The following FMN1 variants were observed in gnomAD, a reference collection of about 807,000 sequenced individuals.
The protein encoded by FMN1 is formin 1.
FMN1 carries 110 observed loss-of-function variants against 132.4 expected under a neutral mutation model. That is an observed-to-expected ratio of 0.83 (90% CI 0.71 to 0.97). The LOEUF (loss-of-function observed/expected upper bound fraction) is 0.97, where lower values mean the gene tolerates loss of function less well. Among genes scored for constraint, FMN1 ranks in the 50% least tolerant of loss-of-function variants. The pLI is 0.00. For missense variants in FMN1, 1,792 were observed against 1,705.3 expected, an observed-to-expected ratio of 1.05 and a Z score of -0.90; for synonymous variants, 722 against 651.7, an observed-to-expected ratio of 1.11 and a Z score of -1.64.
chr15:32,980,894 A>T (rs1298927297), intron 7 of FMN1, among the ~76,000 whole-genome samples: 1 of 152,050 alleles, frequency 6.6e-6, no homozygotes, highest in African/African-American at 2.4e-5. Context: ...CGTGCTTGTA[A>T]CCCCAGCTAC....
chr15:32,983,546 T>C (rs369708987), intron 7 of FMN1, among the ~76,000 whole-genome samples: 1 of 152,226 alleles, frequency 6.6e-6, no homozygotes, highest in Non-Finnish European at 1.5e-5. Flanking sequence ...TAAAGATTGA[T>C]ATTATAAGTG....
At position 32,908,473 on chromosome 15, in the gene FMN1, A is replaced by C. The variant is rs769545198; in HGVS notation, c.3377+17T>G. On this transcript the variant is annotated intron_variant, in intron 12 of 20. Coordinates refer to ENST00000616417, the MANE Select transcript of FMN1 (RefSeq NM_001277313.2). ...GTTCTCCTTTTGGCCTAACAGAAAA[A>C]TGTTAAGTATCCTTACTGCTCAGGT... The C allele has an allele frequency of 5.1e-6, 8 of 1,562,478 alleles. No homozygotes were observed. In the East Asian group the frequency reaches 1.8e-4, roughly 35 times the overall value.
At chr15:32,986,074 G>A (rs945295699) in intron 7 of FMN1, among the ~76,000 whole-genome samples, 1 of 152,014 alleles carries the variant, frequency 6.6e-6, no homozygotes, top group Non-Finnish European at 1.5e-5. Flanking sequence ...CAGCACCCAC[G>A]ATAATAGGGG....
intron 9 of FMN1, among the ~76,000 whole-genome samples, chr15:32,959,529 G>A (rs988075816): frequency 6.6e-6 from 1 of 152,160 alleles, no homozygotes; most frequent in Non-Finnish European, 1.5e-5. Flanking sequence ...ACAAAGCTCA[G>A]TAGACCCAAT....
chr15:32,980,473 T>C (rs953388659), intron 7 of FMN1, among the ~76,000 whole-genome samples: 3 of 152,190 alleles, frequency 2.0e-5, no homozygotes, highest in African/African-American at 7.2e-5. Flanking sequence ...GTAAACTCAG[T>C]TTTCACACTA....
chr15:33,157,479 T>G (rs1964719605), intron 3 of FMN1, among the ~76,000 whole-genome samples: 1 of 152,192 alleles, frequency 6.6e-6, no homozygotes, highest in South Asian at 2.1e-4. Context: ...GGAATTTGTC[T>G]AAGGGAATAT....
intron 3 of FMN1, among the ~76,000 whole-genome samples, chr15:33,160,680 G>A (rs1467643412): frequency 1.3e-5 from 2 of 152,190 alleles, no homozygotes; most frequent in African/African-American, 4.8e-5. Flanking sequence ...GGACTCAAAT[G>A]CAGCGGCTCT....
intron 5 of FMN1, chr15:33,067,573 T>A: frequency 1.9e-6 from 3 of 1,614,000 alleles, no homozygotes; most frequent in South Asian, 1.1e-5. Flanking sequence ...GACTTCCCTC[T>A]GATTCTGTCT....
chr15:32,892,846 C>T (rs1417050487), intron 15 of FMN1, among the ~76,000 whole-genome samples: 1 of 152,064 alleles, frequency 6.6e-6, no homozygotes, highest in Non-Finnish European at 1.5e-5. Context: ...GTTTATGTAT[C>T]ACCATTAATT....
At chr15:32,904,414 G>T (rs1353604016) in intron 12 of FMN1, among the ~76,000 whole-genome samples, 1 of 152,190 alleles carries the variant, frequency 6.6e-6, no homozygotes, top group Non-Finnish European at 1.5e-5. Context: ...TAAACAGGAA[G>T]GTGACAGTTT....
intron 4 of FMN1, among the ~76,000 whole-genome samples, chr15:33,101,876 T>C (rs1051082249): frequency 2.0e-5 from 3 of 152,108 alleles, no homozygotes; most frequent in South Asian, 2.1e-4. Context: ...TAACCCCACA[T>C]AGGTATCCCG....
At position 32,794,792 on chromosome 15, in the gene FMN1, G is replaced by A. The variant is rs1250398665; in HGVS notation, c.4130+4012C>T. On this transcript the variant is annotated intron_variant, in intron 19 of 20. Transcript: ENST00000616417. ...AAAAGTGAGGCAAAGTTGCTTCTGA[G>A]GATAAAATAAACCTTGGATTATGAT... Among the ~76,000 whole-genome samples the A allele has an allele frequency of 3.9e-5, 6 of 152,268 alleles. No individual in the cohort carries two copies. In the East Asian group the frequency reaches 9.7e-4, roughly 25 times the overall value.
intron 6 of FMN1, among the ~76,000 whole-genome samples, chr15:33,052,023 T>G (rs1183482266): frequency 1.3e-5 from 2 of 152,228 alleles, no homozygotes; most frequent in Non-Finnish European, 2.9e-5. Flanking sequence ...CTTATGTCCC[T>G]TGGTCAAATT....
intron 16 of FMN1, among the ~76,000 whole-genome samples, chr15:32,867,666 T>C (rs1344924101): frequency 6.6e-6 from 1 of 152,190 alleles, no homozygotes; most frequent in Admixed American, 6.5e-5. Context: ...TAATTTTTTG[T>C]ATTTTTAGTA....
At chr15:32,946,742 G>C (rs1417056848) in intron 9 of FMN1, among the ~76,000 whole-genome samples, 1 of 152,164 alleles carries the variant, frequency 6.6e-6, no homozygotes, top group Admixed American at 6.5e-5. Context: ...ATAGCTGTGG[G>C]AGGTAGAATG....
chr15:33,184,233 T>C (rs569251946), intron 2 of FMN1, among the ~76,000 whole-genome samples: 1 of 152,332 alleles, frequency 6.6e-6, no homozygotes, highest in Non-Finnish European at 1.5e-5. Context: ...ACAATTGGAA[T>C]GATAGTATTT....
intron 4 of FMN1, among the ~76,000 whole-genome samples, chr15:33,140,029 A>G: frequency 6.6e-6 from 1 of 152,186 alleles, no homozygotes; most frequent in African/African-American, 2.4e-5. Context: ...AAATATATTA[A>G]CATATTTTCT....
At chr15:32,789,055 G>A (rs536135973) in intron 19 of FMN1, among the ~76,000 whole-genome samples, 1 of 152,212 alleles carries the variant, frequency 6.6e-6, no homozygotes, top group South Asian at 2.1e-4. Context: ...AGCAAATCTT[G>A]CAATCAATTT....
chr15:33,145,430 A>C lies in FMN1; in HGVS notation c.1867+7618T>G, dbSNP rs998679354. ...CCCAAGTCTGTACATCCTGTTATGC[A>C]GAATTTGCTTTCAATGTCCTAAAGA... On this transcript the variant is annotated intron_variant, in intron 4 of 20. Coordinates refer to ENST00000616417, the MANE Select transcript of FMN1 (RefSeq NM_001277313.2). 2.0e-5 allele frequency among the ~76,000 whole-genome samples: 3 copies of C among 151,976 alleles called. No homozygotes were observed. The East Asian group carries it at 5.8e-4, about 29-fold the overall frequency.
Sources: allele counts gnomAD v4.1 joint callset (sites outside exome capture counted in the v4.1 genomes callset), GRCh38; gene constraint gnomAD v4.1.1; transcripts MANE v1.5; gene names NCBI Gene and HGNC (gene_info 2026-07-23, HGNC 2026-07-21).